Variants in SLCO4A1 observed in about 807,000 individuals in gnomAD.
SLCO4A1 encodes the protein colon organic anion transporter.
SLCO4A1 carries 51 observed loss-of-function variants against 64.6 expected under a neutral mutation model. The observed-to-expected ratio is 0.79, with a 90% CI of 0.63 to 1.00. The LOEUF (loss-of-function observed/expected upper bound fraction) is 1.00. Ranked by LOEUF, SLCO4A1 falls within the 50% of genes least tolerant of loss-of-function variation. SLCO4A1 has a pLI of 0.00. For synonymous variants in SLCO4A1, 471 were observed against 444.9 expected (o/e 1.06, Z -0.74); for missense variants, 919 against 980.5 (o/e 0.94, Z 0.84).
chr20:62,680,210 C>T (rs982590203), intron 2 of SLCO4A1, among the ~76,000 whole-genome samples: 2 of 152,182 alleles, frequency 1.3e-5, no homozygotes, highest in African/African-American at 4.8e-5. Context: ...CGGTTGAGTC[C>T]CGTGTGCTGA....
intron 1 of SLCO4A1, chr20:62,649,329 G>A (rs1019959407): frequency 2.0e-5 from 3 of 152,242 alleles, no homozygotes; most frequent in African/African-American, 7.2e-5. Context: ...ATTGGACGAG[G>A]CCCACCACCC....
At chr20:62,674,885 G>A (rs556199948), downstream of SLCO4A1, among the ~76,000 whole-genome samples, 6 of 152,336 alleles carry the variant, frequency 3.9e-5, no homozygotes, top group East Asian at 1.2e-3. Flanking sequence ...GACCCTCCCT[G>A]GGAGCCCAGC....
chr20:62,659,880 T>C (rs113152683), intron 3 of SLCO4A1, among the ~76,000 whole-genome samples: 2 of 152,272 alleles, frequency 1.3e-5, no homozygotes, highest in African/African-American at 4.8e-5. Flanking sequence ...GCCCAGAGCT[T>C]GGATGGGCTT....
rs1323793882 is a variant in SLCO4A1 at position 62,661,573 on chromosome 20, C to CCCTT, written c.1121+401_1121+404dup. Among the ~76,000 whole-genome samples, 20 of 151,942 alleles carry CCCTT rather than the reference C, an allele frequency of 1.3e-4. No individual in the cohort carries two copies. Among genetic ancestry groups the CCCTT allele is most frequent in the African/African-American group, 4.8e-4 (20 of 41,370 alleles). ...CAGGGAAGCTGCATTTGACTTGAGA[C>CCCTT]CCTTCCCTCACCATGACCCCCCACA... On this transcript the variant is annotated intron_variant, in intron 5 of 11. Coordinates refer to ENST00000217159, the MANE Select transcript of SLCO4A1 (RefSeq NM_016354.4). The surrounding 1 kb of genome is among the most constrained non-coding windows in gnomAD (Gnocchi z 5.2).
intron 2 of SLCO4A1, among the ~76,000 whole-genome samples, chr20:62,682,181 C>G (rs986233122): frequency 7.2e-5 from 11 of 152,226 alleles, no homozygotes; most frequent in African/African-American, 2.7e-4. Flanking sequence ...GGGCAGATAA[C>G]TCTTCAGTTC....
downstream of SLCO4A1, among the ~76,000 whole-genome samples, chr20:62,673,524 A>G (rs1399890502): frequency 2.1e-5 from 3 of 143,870 alleles, no homozygotes; most frequent in African/African-American, 7.4e-5. Flanking sequence ...CACAGGGCAG[A>G]TGCCACATCC....
In SLCO4A1 at chr20:62,657,095, C is replaced by T. The variant is rs369821246; in HGVS notation, c.641C>T (p.Ala214Val). The T allele has an allele frequency of 4.2e-5, 67 of 1,597,982 alleles. No individual in the cohort carries two copies. Among genetic ancestry groups the T allele is most frequent in the Middle Eastern group, 1.7e-4 (1 of 6,028 alleles). Reference protein sequence around the residue: ...GVRTCPANPGAVCADSTSGLS... With the variant: ...GVRTCPANPGVVCADSTSGLS... ...AGGACGTGCCCTGCCAACCCCGGCG[C>T]GGTGTGTGCGGACAGCACCTCGGGC... The change falls in exon 2 of 12, where the codon GCG becomes GTG. Residue 214 changes from alanine (A) to valine (V), a missense_variant. Physicochemically the swap from Ala to Val is moderately conservative, Grantham distance 64. Transcript: ENST00000217159.
At chr20:62,654,563 G>A (rs1601624693) in intron 1 of SLCO4A1, among the ~76,000 whole-genome samples, 1 of 152,226 alleles carries the variant, frequency 6.6e-6, no homozygotes, top group Non-Finnish European at 1.5e-5. Flanking sequence ...CCCCAAGGCC[G>A]GATACTTAGG....
At chr20:62,677,313 T>C (rs1032473130) in intron 2 of SLCO4A1, among the ~76,000 whole-genome samples, 1 of 152,234 alleles carries the variant, frequency 6.6e-6, no homozygotes, top group African/African-American at 2.4e-5. Flanking sequence ...GTAAAGCTAT[T>C]ATTAAATACA....
downstream of SLCO4A1, among the ~76,000 whole-genome samples, chr20:62,676,303 C>A (rs572527095): frequency 8.4e-4 from 128 of 152,122 alleles, no homozygotes; most frequent in African/African-American, 2.9e-3. Context: ...GCCTGTAGTC[C>A]CAGCTACTTG....
intron 1 of SLCO4A1, among the ~76,000 whole-genome samples, chr20:62,648,442 C>T (rs1981810902): frequency 6.6e-6 from 1 of 152,212 alleles, no homozygotes; most frequent in Non-Finnish European, 1.5e-5. Flanking sequence ...GGCCACCAGT[C>T]AGGGCTCCGG....
intron 2 of SLCO4A1, among the ~76,000 whole-genome samples, chr20:62,682,091 C>T (rs1163267161): frequency 2.6e-5 from 4 of 152,212 alleles, no homozygotes; most frequent in African/African-American, 7.2e-5. Flanking sequence ...GAGACTGCTG[C>T]GTGCCTCTCC....
At chr20:62,660,623 T>C in intron 4 of SLCO4A1, 90 bp downstream of exon 4, 1 of 1,443,202 alleles carries the variant, frequency 6.9e-7, no homozygotes, top group Non-Finnish European at 9.6e-7. Flanking sequence ...CTGCTGTCTT[T>C]TTCCCCGCCA....
chr20:62,659,331 G>A (rs143359966), intron 3 of SLCO4A1, among the ~76,000 whole-genome samples: 2 of 152,164 alleles, frequency 1.3e-5, no homozygotes, highest in African/African-American at 4.8e-5. Context: ...CTGTGGGTTT[G>A]GGCCCCCCAT....
intron 2 of SLCO4A1, among the ~76,000 whole-genome samples, chr20:62,677,866 C>T (rs368651052): frequency 1.3e-5 from 2 of 152,242 alleles, no homozygotes; most frequent in African/African-American, 2.4e-5. Flanking sequence ...CCGAGTCCGC[C>T]GTGATGGGGG....
In SLCO4A1 at chr20:62,656,735, C is replaced by A; in HGVS notation, c.281C>A (p.Pro94Gln). 6 of 1,611,846 alleles carry A rather than the reference C, an allele frequency of 3.7e-6. No homozygotes were observed. Among genetic ancestry groups the A allele is most frequent in the Non-Finnish European group, 4.2e-6 (5 of 1,179,444 alleles). The change falls in exon 2 of 12, where the codon CCG becomes CAG. Residue 94 changes from proline (P) to glutamine (Q), a missense_variant. By Grantham distance (76) the Pro-to-Gln change is moderately conservative. Coordinates refer to ENST00000217159, the MANE Select transcript of SLCO4A1 (RefSeq NM_016354.4). ...VACGWWAFAP[P>Q]CLQVLNTPKG... ...TGCGGCTGGTGGGCCTTCGCACCGC[C>A]GTGCCTGCAGGTCCTCAACACGCCC...
chr20:62,677,836 G>A (rs911808718), intron 2 of SLCO4A1, among the ~76,000 whole-genome samples: 3 of 152,222 alleles, frequency 2.0e-5, no homozygotes, highest in Non-Finnish European at 2.9e-5. Flanking sequence ...CCCCCGCTCT[G>A]GCACCAGCTG....
At chr20:62,646,851 G>A (rs56334927) in intron 1 of SLCO4A1, among the ~76,000 whole-genome samples, 6,034 of 152,354 alleles carry the variant, frequency 0.04, 165 homozygotes, top group African/African-American at 0.076. Flanking sequence ...TCCATGGATG[G>A]GATGATGAGT....
At chr20:62,642,849 G>A (rs1425352619) in intron 1 of SLCO4A1, among the ~76,000 whole-genome samples, 2 of 152,218 alleles carry the variant, frequency 1.3e-5, no homozygotes, top group African/African-American at 2.4e-5. Context: ...GCGGGTGCCG[G>A]GGGGAAGCGG....
Sources: allele counts gnomAD v4.1 joint callset (sites outside exome capture counted in the v4.1 genomes callset), GRCh38; gene constraint gnomAD v4.1.1; non-coding constraint Gnocchi (gnomAD v3.1); transcripts MANE v1.5; gene names NCBI Gene and HGNC (gene_info 2026-07-23, HGNC 2026-07-21).